The following CNTNAP5 variants were observed in gnomAD, a reference collection of about 807,000 sequenced individuals.
The protein encoded by CNTNAP5 is contactin associated protein family member 5, also known as contactin-associated protein-like 5.
CNTNAP5 carries 72 observed loss-of-function variants against 150.2 expected under a neutral mutation model. The observed-to-expected ratio is 0.48, with a 90% CI of 0.40 to 0.58. CNTNAP5 has a LOEUF of 0.58. Ranked by LOEUF, CNTNAP5 falls within the 20% of genes least tolerant of loss-of-function variation. The probability of loss-of-function intolerance (pLI) is 0.00; values close to 1 mark genes in which losing one functional copy is unlikely to be tolerated. For missense variants in CNTNAP5, 1,636 were observed against 1,626.2 expected (o/e 1.01, Z -0.10); for synonymous variants, 672 against 619.8 (o/e 1.08, Z -1.25).
chr2:124,199,786 G>A (rs1685675539), intron 1 of CNTNAP5, among the ~76,000 whole-genome samples: 1 of 152,134 alleles, frequency 6.6e-6, no homozygotes, highest in Admixed American at 6.6e-5. Flanking sequence ...TTTATAGCTG[G>A]TGTATCTAAA....
At chr2:124,664,198 A>T (rs1038227062) in intron 13 of CNTNAP5, among the ~76,000 whole-genome samples, 1 of 151,828 alleles carries the variant, frequency 6.6e-6, no homozygotes, top group Admixed American at 6.6e-5. Flanking sequence ...TGGCTCACAC[A>T]TTTAATCCCA....
At chr2:124,513,845 G>A (rs1006845229) in intron 8 of CNTNAP5, among the ~76,000 whole-genome samples, 1 of 152,162 alleles carries the variant, frequency 6.6e-6, no homozygotes, top group African/African-American at 2.4e-5. Context: ...CTGGCAGCCA[G>A]GTGGTTATAG....
intron 12 of CNTNAP5, among the ~76,000 whole-genome samples, chr2:124,646,005 C>A (rs1678194756): frequency 6.6e-6 from 1 of 152,164 alleles, no homozygotes; most frequent in Non-Finnish European, 1.5e-5. Context: ...TCCCAAGACC[C>A]AAACACCTCC....
intron 11 of CNTNAP5, among the ~76,000 whole-genome samples, chr2:124,565,291 A>G (rs1290915385): frequency 2.0e-5 from 3 of 152,180 alleles, no homozygotes; most frequent in African/African-American, 7.2e-5. Flanking sequence ...ATATCTCATT[A>G]AAACTTTTCT....
In CNTNAP5 at chr2:124,743,232, G is replaced by T. The variant is rs527574546; in HGVS notation, c.2078-3997G>T. 3.9e-5 allele frequency among the ~76,000 whole-genome samples: 6 copies of T among 152,230 alleles called. No individual in the cohort carries two copies. The East Asian group carries it at 1.2e-3, about 29-fold the overall frequency. On this transcript the variant is annotated intron_variant, in intron 13 of 23. Transcript: ENST00000682447. ...TTTGGTTTAATAACCCCATTTGGTG[G>T]AAGAAATAGAGATTTCAGAGATTTA... is the stretch of plus-strand genomic sequence containing the variant.
At chr2:124,099,801 AG>A (rs1199812651) in intron 1 of CNTNAP5, among the ~76,000 whole-genome samples, 1 of 152,062 alleles carries the variant, frequency 6.6e-6, no homozygotes, top group African/African-American at 2.4e-5. Flanking sequence ...GGCGGGGGGC[AG>A]GGGGTGCCAC....
Position 124,153,972 on chromosome 2 carries a change from G to C in CNTNAP5, c.83-67733G>C, listed in dbSNP as rs115647252. On this transcript the variant is annotated intron_variant, in intron 1 of 23. Coordinates refer to ENST00000682447, the MANE Select transcript of CNTNAP5 (RefSeq NM_001367498.1). ...AATCCTATTTCTGAGAAATCTGCCC[G>C]CATGACCTAATCACATCCCAAAGGC... 3.2e-3 allele frequency among the ~76,000 whole-genome samples: 482 copies of C among 151,748 alleles called. 3 individuals are homozygous for C. The highest frequency in any genetic ancestry group is 0.011 in the African/African-American group (464 of 41,362).
chr2:124,860,038 T>C lies in CNTNAP5; in HGVS notation c.3218-5268T>C, dbSNP rs1344739265. ...CAAACCTGTACATTGTGCACATGTA[T>C]CCTAGAACTTAAAGTATAAAAAAAA... On this transcript the variant is annotated intron_variant, in intron 19 of 23. Coordinates refer to ENST00000682447, the MANE Select transcript of CNTNAP5 (RefSeq NM_001367498.1). Among the ~76,000 whole-genome samples, 4 of 151,556 alleles carry C rather than the reference T, an allele frequency of 2.6e-5. No individual in the cohort carries two copies. In the South Asian group the frequency reaches 8.4e-4, roughly 32 times the overall value.
rs1399727716 is a variant in CNTNAP5 at position 124,915,528 on chromosome 2, G to A, written c.*1240G>A. Among the ~76,000 whole-genome samples the A allele has an allele frequency of 1.3e-5, 2 of 151,928 alleles. No homozygotes were observed. Among genetic ancestry groups the A allele is most frequent in the Non-Finnish European group, 2.9e-5 (2 of 67,944 alleles). ...TAGGATGCATTAACATAAGTGAAAT[G>A]GTCACCTCTAGCTAACTAGCATTGC... On this transcript the variant is annotated 3_prime_UTR_variant, in exon 24 of 24. Transcript: ENST00000682447.
chr2:124,406,619 A>T (rs930061449), intron 3 of CNTNAP5, among the ~76,000 whole-genome samples: 1 of 152,236 alleles, frequency 6.6e-6, no homozygotes, highest in Non-Finnish European at 1.5e-5. Flanking sequence ...ATTTTGATAC[A>T]TACACAGAAT....
At chr2:124,372,540 A>G (rs1245774227) in intron 3 of CNTNAP5, among the ~76,000 whole-genome samples, 1 of 152,150 alleles carries the variant, frequency 6.6e-6, no homozygotes, top group Non-Finnish European at 1.5e-5. Flanking sequence ...CCTAGGAACC[A>G]ACTTGCCAGG....
At chr2:124,473,558 T>A (rs1476840715) in intron 6 of CNTNAP5, among the ~76,000 whole-genome samples, 3 of 152,012 alleles carry the variant, frequency 2.0e-5, no homozygotes, top group African/African-American at 7.2e-5. Context: ...AGTGTATCAG[T>A]AGTTATTCAT....
At chr2:124,625,783 G>A (rs370177378) in intron 12 of CNTNAP5, among the ~76,000 whole-genome samples, 23 of 152,266 alleles carry the variant, frequency 1.5e-4, no homozygotes, top group African/African-American at 4.8e-4. Context: ...CACTGCTTGC[G>A]TAATGTAAGC....
intron 3 of CNTNAP5, among the ~76,000 whole-genome samples, chr2:124,380,056 A>G (rs545254075): frequency 6.6e-6 from 1 of 152,260 alleles, no homozygotes; most frequent in South Asian, 2.1e-4. Context: ...GTTTATTTGC[A>G]TATCTAAAAC....
intron 1 of CNTNAP5, among the ~76,000 whole-genome samples, chr2:124,050,032 C>T (rs1681649525): frequency 6.6e-6 from 1 of 152,104 alleles, no homozygotes; most frequent in African/African-American, 2.4e-5. Flanking sequence ...ATAGTGTCAC[C>T]ATGGGGATGA....
intron 11 of CNTNAP5, among the ~76,000 whole-genome samples, chr2:124,604,180 T>G (rs1203573877): frequency 6.6e-6 from 1 of 152,218 alleles, no homozygotes; most frequent in Non-Finnish European, 1.5e-5. Flanking sequence ...AGCTTAAGCT[T>G]ATTACCAATT....
At chr2:124,714,015 G>A (rs898344728) in intron 13 of CNTNAP5, among the ~76,000 whole-genome samples, 2 of 151,950 alleles carry the variant, frequency 1.3e-5, no homozygotes, top group South Asian at 2.1e-4. Context: ...TTATTATTTG[G>A]CCAAGAATGT....
intron 11 of CNTNAP5, among the ~76,000 whole-genome samples, chr2:124,601,186 A>G (rs1346084405): frequency 1.3e-5 from 2 of 152,216 alleles, no homozygotes; most frequent in Non-Finnish European, 2.9e-5. Flanking sequence ...AGGTTGTACC[A>G]TATTGAAAAT....
chr2:124,519,669 C>T lies in CNTNAP5; in HGVS notation c.1328-4634C>T, dbSNP rs989035861. Among the ~76,000 whole-genome samples, 6 of 152,206 alleles carry T rather than the reference C, an allele frequency of 3.9e-5. No individual in the cohort carries two copies. The South Asian group carries it at 8.3e-4, about 21-fold the overall frequency. The stretch of plus-strand genomic sequence containing the variant: ...ATTAGGAATTACATTATTTAAAGTG[C>T]CTGGCACATTATAGGCATTTGTTAC... On this transcript the variant is annotated intron_variant, in intron 8 of 23. Transcript: ENST00000682447.
Sources: allele counts gnomAD v4.1 joint callset (sites outside exome capture counted in the v4.1 genomes callset), GRCh38; gene constraint gnomAD v4.1.1; transcripts MANE v1.5; gene names NCBI Gene and HGNC (gene_info 2026-07-23, HGNC 2026-07-21).